The following NCLN variants were observed in gnomAD, a reference collection of about 807,000 sequenced individuals.
The protein encoded by NCLN is nicalin, also known as BOS complex subunit NCLN.
A neutral mutation model predicts 69.5 loss-of-function variants in NCLN; 34 were observed. The ratio of observed to expected loss-of-function variants is 0.49; its 90% CI spans 0.37 to 0.65. NCLN has a LOEUF of 0.65. Among genes scored for constraint, NCLN ranks in the 30% least tolerant of loss-of-function variants. NCLN has a pLI of 0.00. For missense variants in NCLN, 710 were observed against 804.8 expected, an observed-to-expected ratio of 0.88 and a Z score of 1.42; for synonymous variants, 393 against 358.3, an observed-to-expected ratio of 1.10 and a Z score of -1.09.
At position 3,203,989 on chromosome 19, in the gene NCLN, T is replaced by G. The variant is rs1401483467; in HGVS notation, c.890-16T>G. 1 of 1,554,866 alleles carries G rather than the reference T, an allele frequency of 6.4e-7. No homozygotes were observed. Among genetic ancestry groups the G allele is most frequent in the Admixed American group, 1.9e-5 (1 of 52,074 alleles). ...CCTGGTCCCCACCCACCCCGCCAGC[T>G]CTCGGTGTCCTGCAGACTCCAGCCT... is the stretch of plus-strand genomic sequence containing the variant. On this transcript the variant is annotated splice_polypyrimidine_tract_variant and intron_variant, in intron 7 of 14. Coordinates refer to ENST00000246117, the MANE Select transcript of NCLN (RefSeq NM_020170.4).
chr19:3,193,544 G>A (rs1252468749), intron 3 of NCLN, 116 bp downstream of exon 3: 8 of 1,275,292 alleles, frequency 6.3e-6, no homozygotes, highest in Admixed American at 3.0e-5. Flanking sequence ...GCATCCCTTC[G>A]CCGGGGTTAA....
rs200789264 is a variant in NCLN at position 3,192,659 on chromosome 19, G to T, written c.374G>T (p.Arg125Leu). The T allele has an allele frequency of 6.5e-7, 1 of 1,549,460 alleles. No homozygotes were observed. Among genetic ancestry groups the T allele is most frequent in the Non-Finnish European group, 8.7e-7 (1 of 1,147,228 alleles). The change falls in exon 2 of 15, where the codon CGG becomes CTG. Residue 125 changes from arginine (R) to leucine (L), a missense_variant and splice_region_variant. Arg to Leu is a moderately radical substitution (Grantham distance 102, BLOSUM62 -2). Coordinates refer to ENST00000246117, the MANE Select transcript of NCLN (RefSeq NM_020170.4). ...AMAAVPQDVVRQFMEIEPEML... is the reference protein window; with the variant it reads ...AMAAVPQDVVLQFMEIEPEML... ...GCCGCCGTGCCCCAGGACGTCGTCC[G>T]GGTGAGCGTCTGCCCTGCCCCGCCC...
intron 3 of NCLN, among the ~76,000 whole-genome samples, chr19:3,194,852 C>T (rs943642153): frequency 6.7e-6 from 1 of 148,944 alleles, no homozygotes; most frequent in Non-Finnish European, 1.5e-5. Flanking sequence ...GAATCTTCTA[C>T]TTGGTGGAGT....
chr19:3,193,275 G>T lies in NCLN; in HGVS notation c.376-9G>T. On this transcript the variant is annotated splice_polypyrimidine_tract_variant and intron_variant, in intron 2 of 14. Coordinates refer to ENST00000246117, the MANE Select transcript of NCLN (RefSeq NM_020170.4). ...CCAGCAGCCCCCTAAGTGTGTGTCTGCTCCACAGCAATTCATGGAGATCGA... is the reference window on the plus strand; with the variant it reads ...CCAGCAGCCCCCTAAGTGTGTGTCTTCTCCACAGCAATTCATGGAGATCGA... 3.7e-6 allele frequency: 6 copies of T among 1,607,672 alleles called. No individual in the cohort carries two copies. Among genetic ancestry groups the T allele is most frequent in the Non-Finnish European group, 5.1e-6 (6 of 1,178,036 alleles).
At chr19:3,206,931 C>T (rs1166904355) in intron 12 of NCLN, among the ~76,000 whole-genome samples, 1 of 152,132 alleles carries the variant, frequency 6.6e-6, no homozygotes, top group African/African-American at 2.4e-5. Context: ...AAGTGATTCT[C>T]GGACCTCGGT....
chr19:3,188,420 C>T (rs555700491), intron 1 of NCLN, among the ~76,000 whole-genome samples: 1 of 152,356 alleles, frequency 6.6e-6, no homozygotes, highest in African/African-American at 2.4e-5. Context: ...CGGACGCCCT[C>T]TCCAGCCTCC....
In NCLN at chr19:3,207,697, C is replaced by T. The variant is rs780173120; in HGVS notation, c.*9C>T. On this transcript the variant is annotated 3_prime_UTR_variant, in exon 15 of 15. Coordinates refer to ENST00000246117, the MANE Select transcript of NCLN (RefSeq NM_020170.4). ...AGGCCAAGACACAGTGACACAGCCA[C>T]CCCCACAGCCGGAGCCCCCGCCGCT... 9.9e-6 allele frequency: 16 copies of T among 1,608,930 alleles called. No homozygotes were observed. The highest frequency in any genetic ancestry group is 3.3e-5 in the Admixed American group (2 of 60,006).
At position 3,205,966 on chromosome 19, in the gene NCLN, C is replaced by T. The variant is rs1486907098; in HGVS notation, c.1236C>T (p.Thr412=). 2 of 1,613,640 alleles carry T rather than the reference C, an allele frequency of 1.2e-6. No homozygotes were observed. The highest frequency in any genetic ancestry group is 2.7e-5 in the African/African-American group (2 of 74,860). The part of the protein sequence containing the change: ...VRSRVDSKTL[T]RNTRIIAEAL... Reference sequence around the variant, plus strand: ...CCCGGGTGGATTCTAAGACCCTGACCCGTAACACGAGGATCATTGCAGAGG... The same window carrying T: ...CCCGGGTGGATTCTAAGACCCTGACTCGTAACACGAGGATCATTGCAGAGG... The change falls in exon 10 of 15, where the codon ACC becomes ACT. Residue 412 remains threonine (T), a synonymous_variant. Coordinates refer to ENST00000246117, the MANE Select transcript of NCLN (RefSeq NM_020170.4). This position sits in a 1 kb window ranked among gnomAD's most constrained non-coding sequence, Gnocchi z 4.6.
At position 3,193,479 on chromosome 19, in the gene NCLN, C is replaced by G. The variant is rs60790041; in HGVS notation, c.520+51C>G. 3.3e-6 allele frequency: 5 copies of G among 1,529,398 alleles called. No individual in the cohort carries two copies. The Admixed American group carries it at 9.8e-5, about 30-fold the overall frequency. The allele number at this position is 1,529,398 out of a possible 1,614,324, so 94.7% of individuals were successfully genotyped here. On this transcript the variant is annotated intron_variant, in intron 3 of 14. Coordinates refer to ENST00000246117, the MANE Select transcript of NCLN (RefSeq NM_020170.4). ...GCCCGTGGGCGTGGGTGTGGGGAGG[C>G]GTCCCCATCCCAAGGGCTGCGGTCA... is the stretch of plus-strand genomic sequence containing the variant.
chr19:3,188,395 C>T (rs1480108869), intron 1 of NCLN, among the ~76,000 whole-genome samples: 2 of 152,230 alleles, frequency 1.3e-5, no homozygotes, highest in Non-Finnish European at 2.9e-5. Context: ...GATGTCTCCC[C>T]GTTCCACGGC....
chr19:3,189,335 G>A (rs745348647), intron 1 of NCLN, among the ~76,000 whole-genome samples: 1 of 152,224 alleles, frequency 6.6e-6, no homozygotes, highest in Non-Finnish European at 1.5e-5. Context: ...CCTTCATCTG[G>A]GATACAGCTA....
intron 5 of NCLN, 111 bp from the exon 6 acceptor site, chr19:3,201,411 CG>C (rs1568313782): frequency 2.7e-6 from 2 of 732,140 alleles, no homozygotes; most frequent in African/African-American, 3.5e-5. Context: ...CATGGGGCTA[CG>C]GGAGTAGGGT....
intron 1 of NCLN, among the ~76,000 whole-genome samples, chr19:3,189,343 C>G (rs1476688383): frequency 6.6e-6 from 1 of 152,260 alleles, no homozygotes; most frequent in Non-Finnish European, 1.5e-5. Flanking sequence ...TGGGATACAG[C>G]TAACTGCAGC....
chr19:3,207,544 T>C, intron 14 of NCLN, 75 bp downstream of exon 14: 3 of 1,607,086 alleles, frequency 1.9e-6, no homozygotes, highest in Non-Finnish European at 2.6e-6. Flanking sequence ...TCCAAGTGCA[T>C]CCTGGCCCCT....
intron 1 of NCLN, among the ~76,000 whole-genome samples, chr19:3,188,165 G>A (rs1225888491): frequency 6.6e-6 from 1 of 152,110 alleles, no homozygotes. Context: ...TCTCCTGCCT[G>A]GTCCTCCAGC....
chr19:3,207,147 A>G, intron 12 of NCLN, 51 bp from the exon 13 acceptor site: 1 of 1,603,266 alleles, frequency 6.2e-7, no homozygotes, highest in South Asian at 1.1e-5. Flanking sequence ...ACCCTTTTTT[A>G]AGAATTAGCT....
Position 3,205,967 on chromosome 19 carries a change from C to T in NCLN, c.1237C>T (p.Arg413Cys), listed in dbSNP as rs151328357. 8.7e-6 allele frequency: 14 copies of T among 1,613,752 alleles called. No individual in the cohort carries two copies. Among genetic ancestry groups the T allele is most frequent in the Non-Finnish European group, 1.1e-5 (13 of 1,179,972 alleles). ...RSRVDSKTLT[R>C]NTRIIAEALT... ...CCGGGTGGATTCTAAGACCCTGACC[C>T]GTAACACGAGGATCATTGCAGAGGC... The change falls in exon 10 of 15, where the codon CGT becomes TGT. Residue 413 changes from arginine to cysteine, a missense_variant. Transcript: ENST00000246117. This position sits in a 1 kb window ranked among gnomAD's most constrained non-coding sequence, Gnocchi z 4.6.
intron 6 of NCLN, 68 bp from the exon 7 acceptor site, chr19:3,203,688 C>T (rs1916183794): frequency 2.1e-6 from 3 of 1,413,228 alleles, no homozygotes; most frequent in Admixed American, 2.0e-5. Context: ...GGACCTGTGA[C>T]CTGGCCTGGT....
At chr19:3,186,974 T>C (rs1430021182) in intron 1 of NCLN, among the ~76,000 whole-genome samples, 1 of 152,136 alleles carries the variant, frequency 6.6e-6, no homozygotes, top group East Asian at 1.9e-4. Flanking sequence ...CAGAATCTGC[T>C]AGCCCAGCTT....
Sources: gnomAD v4.1 joint callset for allele counts (sites outside exome capture counted in the v4.1 genomes callset) on GRCh38, gnomAD v4.1.1 for gene constraint, Gnocchi (gnomAD v3.1) non-coding constraint, MANE v1.5 for transcripts, NCBI Gene and HGNC (gene_info 2026-07-23, HGNC 2026-07-21) for gene names.